The following CAPS2 variants were observed in gnomAD, a reference collection of about 807,000 sequenced individuals.
The protein encoded by CAPS2 is calcyphosine 2.
CAPS2 carries 98 observed loss-of-function variants against 86.5 expected under a neutral mutation model. That is an observed-to-expected ratio of 1.13 (90% CI 0.96 to 1.34). The LOEUF is 1.34. Ranked by LOEUF, CAPS2 falls within the 40% of genes most tolerant of loss-of-function variation. CAPS2 has a pLI of 0.00. For synonymous variants in CAPS2, 210 were observed against 225.1 expected, an observed-to-expected ratio of 0.93 and a Z score of 0.60; for missense variants, 729 against 686.8, an observed-to-expected ratio of 1.06 and a Z score of -0.69.
At position 75,326,438 on chromosome 12, in the gene CAPS2, C is replaced by A; in HGVS notation, c.61G>T (p.Gly21Ter). The change falls in exon 1 of 17, where the codon GGA (glycine) becomes TGA (stop). Residue 21 changes from glycine to a stop codon, truncating the protein, a stop_gained. Transcript: ENST00000393284. LOFTEE classifies it high-confidence loss of function. ...CATACTTGTAGAGGCTTCTTTCTTCCAAAGAATGGCTGAATTTGGCTCCTA... is the reference window on the plus strand; with the variant it reads ...CATACTTGTAGAGGCTTCTTTCTTCAAAAGAATGGCTGAATTTGGCTCCTA... 2 of 1,510,756 alleles carry A rather than the reference C, an allele frequency of 1.3e-6. No homozygotes were observed. The highest frequency in any genetic ancestry group is 1.8e-6 in the Non-Finnish European group (2 of 1,110,034). 93.6% of individuals were successfully genotyped at this position (1,510,756 alleles called of 1,614,324 possible). A position where few individuals can be genotyped will look rare whatever the true frequency, so the allele number is the denominator to read the frequency against.
chr12:75,361,199 C>CA lies in CAPS2; in HGVS notation c.-395+29638dup, dbSNP rs36088782. ...TGTGCTGATTGGTCTGTTGGTATGC[C>CA]AAAAAAAATAAATAAATAAAAAGTT... On this transcript the variant is annotated intron_variant, in intron 1 of 5. Transcript: ENST00000551829. Among the ~76,000 whole-genome samples, 1,369 of 150,586 alleles carry CA rather than the reference C, an allele frequency of 9.1e-3. 25 individuals carry two copies. The highest frequency in any genetic ancestry group is 0.031 in the African/African-American group (1,269 of 41,040).
At chr12:75,290,467 T>C (rs946702228) in intron 13 of CAPS2, among the ~76,000 whole-genome samples, 3 of 152,170 alleles carry the variant, frequency 2.0e-5, no homozygotes, top group Non-Finnish European at 2.9e-5. Context: ...CCAAGTTCAA[T>C]TGTGACAAAT....
intron 5 of CAPS2, among the ~76,000 whole-genome samples, chr12:75,320,308 A>G (rs779751545): frequency 7.2e-5 from 11 of 152,192 alleles, no homozygotes; most frequent in Non-Finnish European, 1.2e-4. Flanking sequence ...GCTGCCACTC[A>G]GTAAGGCATG....
chr12:75,312,020 A>G (rs2039284389), intron 7 of CAPS2, among the ~76,000 whole-genome samples: 1 of 152,194 alleles, frequency 6.6e-6, no homozygotes, highest in Non-Finnish European at 1.5e-5. Flanking sequence ...TCTGCCACAC[A>G]ACTAAACAGT....
intron 7 of CAPS2, among the ~76,000 whole-genome samples, chr12:75,312,378 C>T (rs1295089723): frequency 6.6e-6 from 1 of 152,156 alleles, no homozygotes; most frequent in Non-Finnish European, 1.5e-5. Flanking sequence ...GATGTTACAT[C>T]TTTGCAGAGC....
chr12:75,362,251 C>A (rs1187246723), intron 1 of CAPS2, among the ~76,000 whole-genome samples: 3 of 152,062 alleles, frequency 2.0e-5, no homozygotes, highest in Non-Finnish European at 2.9e-5. Flanking sequence ...CAAATACACA[C>A]ATTAAAATGC....
chr12:75,376,242 C>T (rs1223733183), intron 1 of CAPS2, among the ~76,000 whole-genome samples: 6 of 152,180 alleles, frequency 3.9e-5, no homozygotes, highest in Admixed American at 3.9e-4. Flanking sequence ...TGAAGAATCC[C>T]TGTTTAGTGG....
chr12:75,309,427 C>A (rs555899517), intron 7 of CAPS2, among the ~76,000 whole-genome samples: 1 of 152,200 alleles, frequency 6.6e-6, no homozygotes, highest in Admixed American at 6.5e-5. Context: ...CCTCCTTAAC[C>A]AGGTTGGGTT....
intron 1 of CAPS2, among the ~76,000 whole-genome samples, chr12:75,348,739 A>C (rs2139409854): frequency 6.6e-6 from 1 of 152,292 alleles, no homozygotes; most frequent in East Asian, 1.9e-4. Context: ...GTGTTATGTC[A>C]CCCCTGGCCA....
chr12:75,278,222 G>T (rs935305354), exon 17 of CAPS2: 2 of 981,722 alleles, frequency 2.0e-6, no homozygotes, highest in East Asian at 2.3e-4. Flanking sequence ...ACTACATTGT[G>T]CTCTATTTAA....
intron 14 of CAPS2, among the ~76,000 whole-genome samples, chr12:75,288,602 G>C (rs775824941): frequency 3.9e-5 from 6 of 152,168 alleles, no homozygotes; most frequent in Non-Finnish European, 5.9e-5. Flanking sequence ...TGAAATCCTT[G>C]AGACAAATGT....
chr12:75,281,010 A>G (rs2033847369), intron 16 of CAPS2, among the ~76,000 whole-genome samples: 1 of 151,958 alleles, frequency 6.6e-6, no homozygotes, highest in Admixed American at 6.6e-5. Context: ...AATATTGTCA[A>G]TAAATATTCC....
intron 1 of CAPS2, among the ~76,000 whole-genome samples, chr12:75,389,482 T>G (rs766538204): frequency 2.4e-4 from 37 of 152,362 alleles, no homozygotes; most frequent in Non-Finnish European, 3.4e-4. Flanking sequence ...CTAGCAATAG[T>G]GGCTAAAATT....
At chr12:75,312,980 A>G in intron 6 of CAPS2, 65 bp from the exon 7 acceptor site, 1 of 872,428 alleles carries the variant, frequency 1.1e-6, no homozygotes, top group Non-Finnish European at 1.9e-6. Context: ...ACTTAACACA[A>G]AAGTTCTAAA....
chr12:75,307,561 T>A (rs1199511853), intron 7 of CAPS2, among the ~76,000 whole-genome samples: 1 of 152,206 alleles, frequency 6.6e-6, no homozygotes, highest in Non-Finnish European at 1.5e-5. Context: ...ATAATTCAAA[T>A]GTTTCTAACA....
At chr12:75,277,635 C>A (rs907707045) in exon 17 of CAPS2, 1 of 984,582 alleles carries the variant, frequency 1.0e-6, no homozygotes, top group African/African-American at 1.7e-5. Flanking sequence ...TTGAAAAGTG[C>A]AACTTTGAAT....
chr12:75,358,191 T>A (rs2139538545), intron 1 of CAPS2, among the ~76,000 whole-genome samples: 1 of 151,670 alleles, frequency 6.6e-6, no homozygotes, highest in Non-Finnish European at 1.5e-5. Flanking sequence ...AAGAAAATAA[T>A]AATAACATTT....
exon 10 of CAPS2, chr12:75,298,905 T>C (rs1420186019): frequency 1.2e-6 from 2 of 1,611,954 alleles, no homozygotes; most frequent in East Asian, 2.2e-5. Context: ...TCATAAATTG[T>C]AAGGGATTGG....
intron 1 of CAPS2, among the ~76,000 whole-genome samples, chr12:75,341,777 G>A (rs995791066): frequency 5.6e-5 from 6 of 107,082 alleles, no homozygotes; most frequent in African/African-American, 2.3e-4. Flanking sequence ...TTTTTGAGAT[G>A]GAGTCTCTGT....
Sources: allele counts gnomAD v4.1 joint callset (sites outside exome capture counted in the v4.1 genomes callset), GRCh38; gene constraint gnomAD v4.1.1; transcripts MANE v1.5; gene names NCBI Gene and HGNC (gene_info 2026-07-23, HGNC 2026-07-21).